Variants in TPR observed in about 807,000 individuals in gnomAD.
The protein encoded by TPR is nucleoprotein TPR.
Under a neutral mutation model 316.1 loss-of-function variants are expected in TPR, and 51 were observed. The ratio of observed to expected loss-of-function variants is 0.16; its 90% confidence interval spans 0.13 to 0.20. The LOEUF is 0.20. Ranked by LOEUF, TPR falls within the 10% of genes least tolerant of loss-of-function variation. The probability of loss-of-function intolerance (pLI) is 1.00; values close to 1 mark genes in which losing one functional copy is unlikely to be tolerated. For synonymous variants in TPR, 981 were observed against 914.7 expected, an observed-to-expected ratio of 1.07 and a Z score of -1.31; for missense variants, 2,272 against 2,754.8, an observed-to-expected ratio of 0.82 and a Z score of 3.92.
At chr1:186,341,003 T>G (rs1215851859) in intron 29 of TPR, 25 bp downstream of exon 29, 1 of 1,596,284 alleles carries the variant, frequency 6.3e-7, no homozygotes, top group East Asian at 2.2e-5. Flanking sequence ...TTTCCATGTT[T>G]TGGAAGAGTT....
chr1:186,339,627 C>T lies in TPR; in HGVS notation c.4151+15G>A, dbSNP rs10494585. On this transcript the variant is annotated intron_variant, in intron 30 of 50. Transcript: ENST00000367478. The stretch of plus-strand genomic sequence containing the variant: ...CTTTTATATTATATATGATTTAAGG[C>T]TTCTTTCCATATACCTTGCAATTTC... The T allele has an allele frequency of 7.7e-3, 11,703 of 1,527,184 alleles. 797 individuals carry two copies. The African/African-American group carries it at 0.15, about 19-fold the overall frequency. The allele number at this position is 1,527,184 out of a possible 1,614,324, so 94.6% of individuals were successfully genotyped here.
intron 18 of TPR, among the ~76,000 whole-genome samples, chr1:186,352,385 A>T (rs1658887346): frequency 6.6e-6 from 1 of 152,214 alleles, no homozygotes. Flanking sequence ...AGCAAGAAAA[A>T]TTTAATATGT....
intron 24 of TPR, among the ~76,000 whole-genome samples, chr1:186,345,159 A>G (rs1271225087): frequency 1.5e-5 from 2 of 134,662 alleles, no homozygotes; most frequent in Non-Finnish European, 3.4e-5. Flanking sequence ...CTTTTTTAAC[A>G]TTTTATAAAT....
chr1:186,367,794 T>C (rs1220948939), intron 4 of TPR, 92 bp downstream of exon 4: 1 of 810,682 alleles, frequency 1.2e-6, no homozygotes, highest in African/African-American at 1.7e-5. Flanking sequence ...CAAAAAAATA[T>C]CAGCAACAGA....
Position 186,311,770 on chromosome 1 carries a change from C to G in TPR, c.*2201G>C. On this transcript the variant is annotated 3_prime_UTR_variant, in exon 51 of 51. Coordinates refer to ENST00000367478, the MANE Select transcript of TPR (RefSeq NM_003292.3). ...TCTTATTGCCCTCAATTTTTATTTT[C>G]ATTTCTTCACAGGCAAGTCACAATT... The G allele has an allele frequency of 1.5e-6, 1 of 685,448 alleles. No individual in the cohort carries two copies. The highest frequency in any genetic ancestry group is 2.4e-6 in the Non-Finnish European group (1 of 416,568). The allele number at this position is 685,448 out of a possible 1,614,324, so 42.5% of individuals were successfully genotyped here.
At chr1:186,334,821 T>C (rs1288081511) in intron 35 of TPR, among the ~76,000 whole-genome samples, 1 of 152,126 alleles carries the variant, frequency 6.6e-6, no homozygotes, top group Non-Finnish European at 1.5e-5. Context: ...GCAGCCTAAC[T>C]TAGAAACCAA....
chr1:186,328,124 AAAG>A (rs1191038969), intron 39 of TPR, among the ~76,000 whole-genome samples: 1 of 152,154 alleles, frequency 6.6e-6, no homozygotes, highest in Non-Finnish European at 1.5e-5. Context: ...ATTTTTGAAG[AAAG>A]AAGATGAACC....
At chr1:186,363,183 A>C (rs113233017) in intron 5 of TPR, among the ~76,000 whole-genome samples, 159 bp downstream of exon 5, 98 of 152,220 alleles carry the variant, frequency 6.4e-4, no homozygotes, top group Non-Finnish European at 9.6e-4. Flanking sequence ...AAACAAGCAA[A>C]ACAGATGAAC....
chr1:186,332,226 T>C lies in TPR; in HGVS notation c.5573A>G (p.Lys1858Arg), dbSNP rs1226391074. 6.2e-7 allele frequency: 1 copy of C among 1,611,852 alleles called. No individual in the cohort carries two copies. Among genetic ancestry groups the C allele is most frequent in the Non-Finnish European group, 8.5e-7 (1 of 1,179,112 alleles). Reference protein sequence around the residue: ...DDTVEMPLPKKLKSVTPVGTE... With the variant: ...DDTVEMPLPKRLKSVTPVGTE... ...TCCTACAGGTGTGACACTTTTCAAC[T>C]TCTTTGGAAGAGGCATTTCCACTGT... Residue 1858 changes from lysine to arginine, a missense_variant, in exon 38 of 51, where the codon AAG becomes AGG. This residue lies in a region of TPR where 435 missense variants were observed against 461.1 expected (regional missense o/e 0.94). Transcript: ENST00000367478.
rs533451466 is a variant in TPR at position 186,348,640 on chromosome 1, C to T, written c.2777-1182G>A. On this transcript the variant is annotated intron_variant, in intron 21 of 50. Transcript: ENST00000367478. Reference sequence around the variant, plus strand: ...TGGTCTGAGACTCAGGCCAGCATCACGGTCCTAGATATGTGATGTCACCCC... The same window carrying T: ...TGGTCTGAGACTCAGGCCAGCATCATGGTCCTAGATATGTGATGTCACCCC... Among the ~76,000 whole-genome samples the T allele has an allele frequency of 9.9e-5, 15 of 152,210 alleles. No homozygotes were observed. The South Asian group carries it at 1.2e-3, about 13-fold the overall frequency.
chr1:186,357,663 T>TTTATACTG, intron 13 of TPR, 40 bp from the exon 14 acceptor site: 1 of 1,550,850 alleles, frequency 6.4e-7, no homozygotes, highest in Non-Finnish European at 8.8e-7. Flanking sequence ...ATAGTATTAG[T>TTTATACTG]TACAATTCTG....
At chr1:186,338,982 G>C (rs1285906520) in intron 30 of TPR, among the ~76,000 whole-genome samples, 1 of 152,114 alleles carries the variant, frequency 6.6e-6, no homozygotes, top group East Asian at 1.9e-4. Flanking sequence ...AAATTTGTAA[G>C]TTGTAAAGCA....
Position 186,359,913 on chromosome 1 carries a change from T to C in TPR, c.1275A>G (p.Glu425=). The C allele has an allele frequency of 6.2e-7, 1 of 1,608,586 alleles. No individual in the cohort carries two copies. Among genetic ancestry groups the C allele is most frequent in the Non-Finnish European group, 8.5e-7 (1 of 1,178,678 alleles). ...CTTTGGCTTCCACTTCTTTCACTAT[T>C]TCATCTAGGTACTTATTAATTCTTT... ...ENKRINKYLD[E]IVKEVEAKAP... is the part of the protein sequence containing the mutation. Residue 425 remains glutamate (E), a synonymous_variant, in exon 12 of 51, where the codon GAA becomes GAG. Coordinates refer to ENST00000367478, the MANE Select transcript of TPR (RefSeq NM_003292.3).
At chr1:186,335,022 G>C (rs903519927) in intron 35 of TPR, 46 bp downstream of exon 35, 1 of 1,574,448 alleles carries the variant, frequency 6.4e-7, no homozygotes, top group Non-Finnish European at 8.7e-7. Context: ...GATATTCCCT[G>C]AGCTTTAAAA....
At chr1:186,365,598 G>C (rs1227705536) in intron 4 of TPR, among the ~76,000 whole-genome samples, 1 of 152,184 alleles carries the variant, frequency 6.6e-6, no homozygotes, top group Non-Finnish European at 1.5e-5. Flanking sequence ...CACTGTGGAA[G>C]AGAACCCCAA....
rs757772251 is a variant in TPR, at chr1:186,344,449, C to T, written c.3343G>A (p.Glu1115Lys). Residue 1115 changes from glutamate (E) to lysine (K), a missense_variant, in exon 25 of 51, where the codon GAA becomes AAA. This residue lies in a region of TPR where 757 missense variants were observed against 859.8 expected (regional missense o/e 0.88). Transcript: ENST00000367478. ...TGTGATTCTGCTTTCTGTGTTGTTT[C>T]TTCCAAATGCTGACGGACTGATGCC... is the stretch of plus-strand genomic sequence containing the variant. ...KMASVRQHLE[E>K]TTQKAESQLL... 6.2e-7 allele frequency: 1 copy of T among 1,614,072 alleles called. No individual in the cohort carries two copies. The highest frequency in any genetic ancestry group is 1.1e-5 in the South Asian group (1 of 91,058).
Position 186,375,043 on chromosome 1 carries a change from G to A in TPR, c.-15C>T, listed in dbSNP as rs775868638. The A allele has an allele frequency of 6.8e-6, 11 of 1,613,762 alleles. No homozygotes were observed. The South Asian group carries it at 8.8e-5, about 13-fold the overall frequency. On this transcript the variant is annotated 5_prime_UTR_variant, in exon 1 of 51. Coordinates refer to ENST00000367478, the MANE Select transcript of TPR (RefSeq NM_003292.3). ...ACCGCCGCCATGTCGGTGGGGCCAG[G>A]GACCCCAGTGGCAGCGGCCGACGGG...
intron 45 of TPR, 118 bp downstream of exon 45, chr1:186,322,200 T>A: frequency 1.1e-6 from 1 of 915,784 alleles, no homozygotes; most frequent in Non-Finnish European, 1.7e-6. Context: ...AAGTACTTAT[T>A]AGTACATAGT....
chr1:186,375,116 G>A lies in TPR; in HGVS notation c.-88C>T. 1.9e-6 allele frequency: 3 copies of A among 1,569,164 alleles called. No homozygotes were observed. Among genetic ancestry groups the A allele is most frequent in the Non-Finnish European group, 2.6e-6 (3 of 1,158,178 alleles). On this transcript the variant is annotated 5_prime_UTR_variant, in exon 1 of 51. Coordinates refer to ENST00000367478, the MANE Select transcript of TPR (RefSeq NM_003292.3). ...AAGACCAGCAGGACCCAGACGCCTG[G>A]GCCGCCGCCTCTATCACCTCGCTCG...
Sources: allele counts gnomAD v4.1 joint callset (sites outside exome capture counted in the v4.1 genomes callset), GRCh38; gene constraint gnomAD v4.1.1; regional missense constraint gnomAD v4.1.1; transcripts MANE v1.5; gene names NCBI Gene and HGNC (gene_info 2026-07-23, HGNC 2026-07-21).